ATP6V1H: variants seen among roughly 807,000 people sequenced by gnomAD.
ATP6V1H encodes the protein ATPase H+ transporting V1 subunit H.
A neutral mutation model predicts 71.7 loss-of-function variants in ATP6V1H; 39 were observed. The ratio of observed to expected loss-of-function variants is 0.54; its 90% CI spans 0.42 to 0.71. The LOEUF is 0.71. Ranked by LOEUF, ATP6V1H falls within the 30% of genes least tolerant of loss-of-function variation. The probability of loss-of-function intolerance (pLI) is 0.00; values close to 1 mark genes in which losing one functional copy is unlikely to be tolerated. For synonymous variants in ATP6V1H, 192 were observed against 199.3 expected (o/e 0.96, Z 0.31); for missense variants, 509 against 594.9 (o/e 0.86, Z 1.50).
chr8:53,763,385 A>G (rs1199893787), intron 11 of ATP6V1H, among the ~76,000 whole-genome samples: 1 of 152,238 alleles, frequency 6.6e-6, no homozygotes, highest in African/African-American at 2.4e-5. Context: ...TTAACAAAAG[A>G]CATGCAAAAC....
intron 13 of ATP6V1H, among the ~76,000 whole-genome samples, chr8:53,735,389 T>C (rs1416559835): frequency 6.6e-6 from 1 of 152,076 alleles, no homozygotes; most frequent in Non-Finnish European, 1.5e-5. Context: ...TTATTAAAGA[T>C]CACATGAAAA....
chr8:53,760,469 C>G (rs1173948918), intron 11 of ATP6V1H, among the ~76,000 whole-genome samples: 1 of 152,216 alleles, frequency 6.6e-6, no homozygotes, highest in Non-Finnish European at 1.5e-5. Context: ...CAGAACAGGG[C>G]AGTTGGATCT....
chr8:53,811,136 G>T (rs757817362), intron 7 of ATP6V1H, 28 bp downstream of exon 7: 2 of 1,602,584 alleles, frequency 1.2e-6, no homozygotes, highest in South Asian at 2.2e-5. Flanking sequence ...TTTTGGGGAT[G>T]TTTAGGCCAG....
At chr8:53,807,017 C>A (rs571960059) in intron 7 of ATP6V1H, among the ~76,000 whole-genome samples, 1 of 152,314 alleles carries the variant, frequency 6.6e-6, no homozygotes, top group Non-Finnish European at 1.5e-5. Context: ...CAGGTCCCCA[C>A]AAACTTCACA....
chr8:53,788,835 C>G (rs766239145), intron 9 of ATP6V1H, among the ~76,000 whole-genome samples: 3 of 152,184 alleles, frequency 2.0e-5, no homozygotes, highest in African/African-American at 2.4e-5. Flanking sequence ...ATAATTAATT[C>G]AGAAAGCTCC....
chr8:53,754,094 A>G (rs1807905960), intron 12 of ATP6V1H, among the ~76,000 whole-genome samples: 1 of 152,126 alleles, frequency 6.6e-6, no homozygotes, highest in African/African-American at 2.4e-5. Context: ...AGAAACCCCA[A>G]TCTCTCATAT....
intron 12 of ATP6V1H, among the ~76,000 whole-genome samples, chr8:53,749,377 A>C (rs1807714198): frequency 6.6e-6 from 1 of 152,196 alleles, no homozygotes; most frequent in African/African-American, 2.4e-5. Flanking sequence ...GGACAATTGT[A>C]CTCGAGGGCT....
intron 13 of ATP6V1H, among the ~76,000 whole-genome samples, chr8:53,721,378 G>C (rs1806605598): frequency 6.6e-6 from 1 of 152,094 alleles, no homozygotes; most frequent in Admixed American, 6.5e-5. Context: ...TAAATTCCAA[G>C]AGTAAGTACT....
intron 13 of ATP6V1H, among the ~76,000 whole-genome samples, chr8:53,723,655 T>C (rs901760570): frequency 9.8e-5 from 15 of 152,290 alleles, no homozygotes; most frequent in Middle Eastern, 3.4e-3. Flanking sequence ...TCTCCCTACC[T>C]GGATGTGTTT....
At chr8:53,731,517 T>C (rs779258816) in intron 13 of ATP6V1H, among the ~76,000 whole-genome samples, 2 of 152,202 alleles carry the variant, frequency 1.3e-5, no homozygotes, top group South Asian at 2.1e-4. Context: ...TCTGTCTTGA[T>C]TGCTGATACA....
chr8:53,749,118 C>T (rs1366666162), intron 12 of ATP6V1H, among the ~76,000 whole-genome samples: 1 of 152,198 alleles, frequency 6.6e-6, no homozygotes, highest in African/African-American at 2.4e-5. Context: ...GACTTCATCA[C>T]ATTATCACTG....
Position 53,815,239 on chromosome 8 carries a change from G to A in ATP6V1H, c.421-473C>T, listed in dbSNP as rs1204420000. 3.3e-5 allele frequency among the ~76,000 whole-genome samples: 5 copies of A among 152,128 alleles called. No individual in the cohort carries two copies. The East Asian group carries it at 5.8e-4, about 18-fold the overall frequency. ...ATAATATACATCCTAGGTATTAGTC[G>A]TCTCTCCCAACATAAACAAATATCC... On this transcript the variant is annotated intron_variant, in intron 5 of 13. Coordinates refer to ENST00000359530, the MANE Select transcript of ATP6V1H (RefSeq NM_015941.4).
intron 8 of ATP6V1H, among the ~76,000 whole-genome samples, chr8:53,801,439 T>C (rs573339744): frequency 5.3e-5 from 8 of 152,338 alleles, no homozygotes; most frequent in Admixed American, 4.6e-4. Flanking sequence ...GGCTAAATTA[T>C]ATGGCATTAG....
Position 53,772,003 on chromosome 8 carries a change from A to C in ATP6V1H, c.1035T>G (p.Ser345Arg). 1 of 1,613,728 alleles carries C rather than the reference A, an allele frequency of 6.2e-7. No individual in the cohort carries two copies. The highest frequency in any genetic ancestry group is 1.1e-5 in the South Asian group (1 of 91,030). Residue 345 changes from serine (S) to arginine (R), a missense_variant, in exon 10 of 14, where the codon AGT (serine) becomes AGG (arginine). By Grantham distance (110) the Ser-to-Arg change is moderately radical. This residue lies in a region of ATP6V1H where 212 missense variants were observed against 291.6 expected (regional missense o/e 0.73). Coordinates refer to ENST00000359530, the MANE Select transcript of ATP6V1H (RefSeq NM_015941.4). ...IKFLLEKLGE[S>R]VQDLSSFDEY... Reference sequence around the variant, plus strand: ...GAATAACACACCTAAGGTCCTGGACACTCTCTCCAAGTTTTTCCAAAAGAA... The same window carrying C: ...GAATAACACACCTAAGGTCCTGGACCCTCTCTCCAAGTTTTTCCAAAAGAA...
rs572827338 is a variant in ATP6V1H at position 53,747,043 on chromosome 8, G to A, written c.1278-3353C>T. ...GCAGCAGCTGATGAAACCAAAAAAT[G>A]TAATTTGAGAGTAAACTTTTAAATA... On this transcript the variant is annotated intron_variant, in intron 12 of 13. Coordinates refer to ENST00000359530, the MANE Select transcript of ATP6V1H (RefSeq NM_015941.4). Among the ~76,000 whole-genome samples, 201 of 152,292 alleles carry A rather than the reference G, an allele frequency of 1.3e-3. 1 individual carries two copies. Among genetic ancestry groups the A allele is most frequent in the Middle Eastern group, 6.8e-3 (2 of 294 alleles).
chr8:53,724,949 T>C (rs1434853295), intron 13 of ATP6V1H, among the ~76,000 whole-genome samples: 1 of 151,716 alleles, frequency 6.6e-6, no homozygotes, highest in Non-Finnish European at 1.5e-5. Context: ...ATTTAAAATA[T>C]ATTTAGGTAA....
chr8:53,757,519 A>C (rs1230426610), intron 11 of ATP6V1H, among the ~76,000 whole-genome samples: 1 of 152,216 alleles, frequency 6.6e-6, no homozygotes, highest in Non-Finnish European at 1.5e-5. Flanking sequence ...AAATAGATGG[A>C]AAACTTCTCA....
At chr8:53,755,783 A>C (rs1169051216) in intron 12 of ATP6V1H, among the ~76,000 whole-genome samples, 11 of 58,434 alleles carry the variant, frequency 1.9e-4, no homozygotes, top group Non-Finnish European at 3.2e-4. Flanking sequence ...TTTGAGACGG[A>C]GTCTCGCTCT....
At chr8:53,730,550 T>C (rs1452547652) in intron 13 of ATP6V1H, among the ~76,000 whole-genome samples, 3 of 152,278 alleles carry the variant, frequency 2.0e-5, no homozygotes, top group Admixed American at 2.0e-4. Context: ...GCACTATATA[T>C]TGCATCAATG....
Sources: gnomAD v4.1 joint callset for allele counts (sites outside exome capture counted in the v4.1 genomes callset) on GRCh38, gnomAD v4.1.1 for gene constraint, gnomAD v4.1.1 regional missense constraint, MANE v1.5 for transcripts, NCBI Gene and HGNC (gene_info 2026-07-23, HGNC 2026-07-21) for gene names.